Variants in ARHGAP6 observed in about 807,000 individuals in gnomAD.
ARHGAP6 encodes rho GTPase-activating protein 6.
A neutral mutation model predicts 55.7 loss-of-function variants in ARHGAP6; 16 were observed. That is an observed-to-expected ratio of 0.29 (90% CI 0.19 to 0.44). The LOEUF (loss-of-function observed/expected upper bound fraction) is 0.44, where lower values mean the gene tolerates loss of function less well. Among genes scored for constraint, ARHGAP6 ranks in the 20% least tolerant of loss-of-function variants. The pLI is 1.00. For missense variants in ARHGAP6, 698 were observed against 808.9 expected (o/e 0.86, Z 1.66); for synonymous variants, 382 against 360.9 (o/e 1.06, Z -0.66).
intron 2 of ARHGAP6, among the ~76,000 whole-genome samples, chrX:11,220,969 C>T (rs2046961377): frequency 9.0e-6 from 1 of 110,572 alleles, no homozygotes. Context: ...CAAAAAAAGG[C>T]AGGTGTTGCA....
intron 1 of ARHGAP6, among the ~76,000 whole-genome samples, chrX:11,471,792 C>G (rs1024997759): frequency 1.3e-4 from 14 of 111,356 alleles, no homozygotes; most frequent in Admixed American, 1.1e-3. Flanking sequence ...ATCCTGAGAC[C>G]CAGGGATACA....
intron 1 of ARHGAP6, among the ~76,000 whole-genome samples, chrX:11,644,181 G>A (rs918677816): frequency 9.0e-6 from 1 of 111,177 alleles, no homozygotes; most frequent in Admixed American, 9.6e-5. Context: ...AGGGGATCAT[G>A]GAGAGGCCCA....
intron 8 of ARHGAP6, among the ~76,000 whole-genome samples, chrX:11,174,618 CTTTCT>C (rs1373843776): frequency 1.9e-5 from 1 of 52,854 alleles, no homozygotes; most frequent in Non-Finnish European, 3.7e-5. Flanking sequence ...CTTTCTTTCT[CTTTCT>C]TTTCTTTCTT....
intron 1 of ARHGAP6, among the ~76,000 whole-genome samples, chrX:11,617,608 G>T (rs1455034282): frequency 9.0e-6 from 1 of 111,572 alleles, no homozygotes; most frequent in Non-Finnish European, 1.9e-5. Flanking sequence ...CAATATAATT[G>T]TCATGGTTGA....
chrX:11,348,411 C>T (rs1462244703), intron 1 of ARHGAP6, among the ~76,000 whole-genome samples: 1 of 111,437 alleles, frequency 9.0e-6, no homozygotes, highest in African/African-American at 3.3e-5. Context: ...AAAGAGTCCC[C>T]ATCATGGGAT....
intron 1 of ARHGAP6, among the ~76,000 whole-genome samples, chrX:11,492,478 C>G (rs954670392): frequency 9.0e-6 from 1 of 111,698 alleles, no homozygotes; most frequent in Non-Finnish European, 1.9e-5. Flanking sequence ...GCACTGCTAT[C>G]TACTGACCAA....
chrX:11,232,884 A>G (rs1178506205), intron 2 of ARHGAP6, among the ~76,000 whole-genome samples: 3 of 111,248 alleles, frequency 2.7e-5, no homozygotes, highest in African/African-American at 9.8e-5. Context: ...TGTGGCTGTT[A>G]TTTACTGAAC....
intron 2 of ARHGAP6, among the ~76,000 whole-genome samples, chrX:11,244,067 G>T (rs189552768): frequency 6.2e-4 from 69 of 111,970 alleles, no homozygotes; most frequent in Non-Finnish European, 4.0e-4. Context: ...AATAACAAAG[G>T]TCTGATCCTT....
intron 1 of ARHGAP6, among the ~76,000 whole-genome samples, chrX:11,308,447 T>C (rs2048260083): frequency 8.9e-6 from 1 of 111,963 alleles, no homozygotes; most frequent in Admixed American, 9.4e-5. Context: ...CAGCCATCTG[T>C]CTTTGCTGCA....
intron 1 of ARHGAP6, among the ~76,000 whole-genome samples, chrX:11,404,651 G>C (rs2049590003): frequency 9.0e-6 from 1 of 111,397 alleles, no homozygotes; most frequent in Non-Finnish European, 1.9e-5. Flanking sequence ...AGAGCTCAAA[G>C]AAAATGTGGC....
intron 1 of ARHGAP6, among the ~76,000 whole-genome samples, chrX:11,312,162 T>C (rs2048309489): frequency 1.8e-5 from 2 of 112,059 alleles, no homozygotes; most frequent in African/African-American, 6.5e-5. Context: ...AAAGTTTCTT[T>C]GAATTTTGAT....
chrX:11,174,656 T>TTTCTTTCTTTCTTTC (rs2046176256), intron 8 of ARHGAP6, among the ~76,000 whole-genome samples: 4 of 85,536 alleles, frequency 4.7e-5, no homozygotes, highest in African/African-American at 1.8e-4. Context: ...TCTTTCTTTC[T>TTTCTTTCTTTCTTTC]TTCTTTCTTT....
At chrX:11,379,870 C>A (rs1026524392) in intron 1 of ARHGAP6, among the ~76,000 whole-genome samples, 1 of 110,652 alleles carries the variant, frequency 9.0e-6, no homozygotes, top group African/African-American at 3.3e-5. Context: ...CAGTAGGAAT[C>A]TATGAGGTGG....
intron 1 of ARHGAP6, among the ~76,000 whole-genome samples, chrX:11,368,823 T>C (rs760128176): frequency 1.5e-4 from 17 of 112,164 alleles, no homozygotes; most frequent in African/African-American, 5.2e-4. Context: ...AATAAAATAA[T>C]TTAATCAATA....
intron 1 of ARHGAP6, among the ~76,000 whole-genome samples, chrX:11,590,125 C>T (rs1177061198): frequency 9.0e-6 from 1 of 111,166 alleles, no homozygotes; most frequent in Non-Finnish European, 1.9e-5. Flanking sequence ...GGTCCTGAAT[C>T]GGAATCTGAT....
chrX:11,358,461 C>A (rs373028393), intron 1 of ARHGAP6, among the ~76,000 whole-genome samples: 4 of 91,171 alleles, frequency 4.4e-5, no homozygotes, highest in African/African-American at 1.7e-4. Context: ...TTCTTTCTTT[C>A]TTTCTTTCTT....
intron 1 of ARHGAP6, chrX:11,299,081 A>T: frequency 4.2e-6 from 4 of 948,661 alleles, no homozygotes; most frequent in Non-Finnish European, 5.9e-6. Context: ...GAGTTGTAGT[A>T]GTTACAGGTC....
chrX:11,347,365 T>C (rs1474246447), intron 1 of ARHGAP6, among the ~76,000 whole-genome samples: 1 of 112,200 alleles, frequency 8.9e-6, no homozygotes. Flanking sequence ...GGAGACGTTT[T>C]TGTAGCTATA....
At chrX:11,289,650 C>T (rs938746403) in intron 1 of ARHGAP6, among the ~76,000 whole-genome samples, 1 of 111,792 alleles carries the variant, frequency 8.9e-6, no homozygotes, top group Non-Finnish European at 1.9e-5. Context: ...GTGCCATAAT[C>T]GATTTGAACC....
Sources: gnomAD v4.1 joint callset for allele counts (sites outside exome capture counted in the v4.1 genomes callset) on GRCh38, gnomAD v4.1.1 for gene constraint, MANE v1.5 for transcripts, NCBI Gene and HGNC (gene_info 2026-07-23, HGNC 2026-07-21) for gene names.